TLN2: variants seen among roughly 807,000 people sequenced by gnomAD.
TLN2 encodes talin-2.
In TLN2, 118 loss-of-function variants were observed where a neutral mutation model predicts 294.7. The observed-to-expected ratio is 0.40, with a 90% CI of 0.34 to 0.47. The LOEUF (loss-of-function observed/expected upper bound fraction) is 0.47. Ranked by LOEUF, TLN2 falls within the 20% of genes least tolerant of loss-of-function variation. The pLI is 0.84. For missense variants in TLN2, 3,083 were observed against 3,282.2 expected, an observed-to-expected ratio of 0.94 and a Z score of 1.48; for synonymous variants, 1,431 against 1,304.5, an observed-to-expected ratio of 1.10 and a Z score of -2.09.
intron 7 of TLN2, among the ~76,000 whole-genome samples, chr15:62,653,809 A>G: frequency 6.6e-6 from 1 of 152,324 alleles, no homozygotes; most frequent in East Asian, 1.9e-4. Flanking sequence ...AATATCAGAT[A>G]TACAAATCAT....
intron 1 of TLN2, among the ~76,000 whole-genome samples, chr15:62,506,600 T>G (rs1272623423): frequency 1.3e-5 from 2 of 152,202 alleles, no homozygotes; most frequent in African/African-American, 4.8e-5. Flanking sequence ...CCATGGAGGT[T>G]GGGGGAGTTT....
Position 62,762,282 on chromosome 15 carries a change from C to G in TLN2, c.4790C>G (p.Ala1597Gly), listed in dbSNP as rs759921550. 6.2e-7 allele frequency: 1 copy of G among 1,614,148 alleles called. No homozygotes were observed. The highest frequency in any genetic ancestry group is 8.5e-7 in the Non-Finnish European group (1 of 1,180,022). Residue 1597 changes from alanine to glycine, a missense_variant, in exon 39 of 59, where the codon GCA becomes GGA. Physicochemically the swap from Ala to Gly is moderately conservative, Grantham distance 60. Transcript: ENST00000636159. ...PAQISSEGSQ[A>G]QEPILVSAKT... Reference sequence around the variant, plus strand: ...GCTGTTTGGTCTCAGGGTTCCCAGGCACAGGAACCAATCCTGGTCTCAGCC... The same window carrying G: ...GCTGTTTGGTCTCAGGGTTCCCAGGGACAGGAACCAATCCTGGTCTCAGCC...
In TLN2 at chr15:62,675,198, A is replaced by C; in HGVS notation, c.853-19A>C. Reference sequence around the variant, plus strand: ...GGCAGAGATGCAATAACTGGTCCCGACCACTGTCACTTTTGCAGGAGCATA... The same window carrying C: ...GGCAGAGATGCAATAACTGGTCCCGCCCACTGTCACTTTTGCAGGAGCATA... On this transcript the variant is annotated intron_variant, in intron 10 of 58. Coordinates refer to ENST00000636159, the MANE Select transcript of TLN2 (RefSeq NM_015059.3). The C allele has an allele frequency of 6.2e-7, 1 of 1,613,138 alleles. No homozygotes were observed. Among genetic ancestry groups the C allele is most frequent in the Non-Finnish European group, 8.5e-7 (1 of 1,179,164 alleles).
At chr15:62,415,745 C>T (rs557388855) in intron 1 of TLN2, among the ~76,000 whole-genome samples, 63 of 152,314 alleles carry the variant, frequency 4.1e-4, no homozygotes, top group Middle Eastern at 3.4e-3. Context: ...TCTGCTTCCT[C>T]TGTTTGGAAT....
At chr15:62,743,663 G>A (rs1222149031) in intron 32 of TLN2, among the ~76,000 whole-genome samples, 1 of 152,252 alleles carries the variant, frequency 6.6e-6, no homozygotes, top group South Asian at 2.1e-4. Context: ...CCAGGGGCTG[G>A]TCAGGTGCCC....
chr15:62,556,250 A>T (rs1308848528), intron 1 of TLN2, among the ~76,000 whole-genome samples: 3 of 141,540 alleles, frequency 2.1e-5, no homozygotes, highest in Admixed American at 7.0e-5. Flanking sequence ...TTCTATTCCT[A>T]TTTGCTATTA....
intron 36 of TLN2, 80 bp downstream of exon 36, chr15:62,753,996 G>A (rs2062082810): frequency 7.2e-7 from 1 of 1,380,192 alleles, no homozygotes; most frequent in Non-Finnish European, 9.5e-7. Context: ...TGAGAAATTA[G>A]TAAAGAATCT....
In TLN2 at chr15:62,410,187, A is replaced by G. The variant is rs544518366; in HGVS notation, c.-238+19502A>G. The stretch of plus-strand genomic sequence containing the variant: ...AACCCGGGAGACGGAGGTTGCACTG[A>G]GCTGAGATCACGCCATTGCACTCCA... On this transcript the variant is annotated intron_variant, in intron 1 of 58. Coordinates refer to ENST00000636159, the MANE Select transcript of TLN2 (RefSeq NM_015059.3). Among the ~76,000 whole-genome samples, 163 of 152,178 alleles carry G rather than the reference A, an allele frequency of 1.1e-3. 1 individual carries two copies. Among genetic ancestry groups the G allele is most frequent in the African/African-American group, 3.8e-3 (156 of 41,524 alleles).
At chr15:62,796,037 CT>C in intron 46 of TLN2, 89 bp from the exon 47 acceptor site, 1 of 1,508,230 alleles carries the variant, frequency 6.6e-7, no homozygotes, top group Non-Finnish European at 9.0e-7. Context: ...ACATCAACTC[CT>C]AGGAGAGAAT....
intron 1 of TLN2, among the ~76,000 whole-genome samples, chr15:62,544,827 A>G (rs1341122927): frequency 6.6e-6 from 1 of 151,012 alleles, no homozygotes; most frequent in African/African-American, 2.4e-5. Flanking sequence ...TGTCAGGATT[A>G]GCTAACTTTA....
intron 1 of TLN2, among the ~76,000 whole-genome samples, chr15:62,447,896 T>A (rs1316529289): frequency 6.6e-6 from 1 of 152,146 alleles, no homozygotes; most frequent in Non-Finnish European, 1.5e-5. Context: ...ACAAGCCAAT[T>A]CGTAGGCTTG....
In TLN2 at chr15:62,535,467, T is replaced by TACACACAC. The variant is rs35591215; in HGVS notation, c.-237-54203_-237-54196dup. ...AGCATAGTGAGACCCTGTCTGTGTG[T>TACACACAC]ACACACACACACACACACACACACC... On this transcript the variant is annotated intron_variant, in intron 1 of 58. Transcript: ENST00000636159. Among the ~76,000 whole-genome samples, 67 of 148,992 alleles carry TACACACAC rather than the reference T, an allele frequency of 4.5e-4. 1 individual carries two copies. Among genetic ancestry groups the TACACACAC allele is most frequent in the South Asian group, 3.4e-3 (16 of 4,690 alleles).
intron 1 of TLN2, among the ~76,000 whole-genome samples, chr15:62,434,425 C>T (rs546649754): frequency 2.0e-5 from 3 of 152,276 alleles, no homozygotes; most frequent in African/African-American, 4.8e-5. Flanking sequence ...AACTGGCTCC[C>T]TATTGACATT....
intron 31 of TLN2, 116 bp downstream of exon 31, chr15:62,739,661 G>A: frequency 7.8e-7 from 1 of 1,276,394 alleles, no homozygotes; most frequent in African/African-American, 1.5e-5. Context: ...GGCAGGCCAT[G>A]GTTGCATTCT....
rs1014223952 is a variant in TLN2, at chr15:62,842,633, G to A, written c.*2023G>A. On this transcript the variant is annotated 3_prime_UTR_variant, in exon 59 of 59. Transcript: ENST00000636159. ...CCTGAAAACCCAGGACCAAGGCAGG[G>A]GCAGGCAGCCAGTTCTTCCACCTTG... The A allele has an allele frequency of 2.0e-5, 3 of 151,960 alleles. No individual in the cohort carries two copies. Among genetic ancestry groups the A allele is most frequent in the African/African-American group, 7.3e-5 (3 of 41,308 alleles). The allele number at this position is 151,960 out of a possible 1,614,324, so 9.4% of individuals were successfully genotyped here. A position where few individuals can be genotyped will look rare whatever the true frequency, so the allele number is the denominator to read the frequency against.
chr15:62,818,262 C>T lies in TLN2; in HGVS notation c.6772-1254C>T, dbSNP rs139611888. On this transcript the variant is annotated intron_variant, in intron 52 of 58. Transcript: ENST00000636159. Reference sequence around the variant, plus strand: ...ATGCTTTGTCCCCTACTCAGAGGCTCCAAAATTGTGCAGAGATAGACAGCA... The same window carrying T: ...ATGCTTTGTCCCCTACTCAGAGGCTTCAAAATTGTGCAGAGATAGACAGCA... Among the ~76,000 whole-genome samples, 619 of 152,264 alleles carry T rather than the reference C, an allele frequency of 4.1e-3. 2 individuals carry two copies. The highest frequency in any genetic ancestry group is 0.014 in the African/African-American group (597 of 41,532).
chr15:62,511,486 C>T (rs2039932598), intron 1 of TLN2, among the ~76,000 whole-genome samples: 2 of 152,106 alleles, frequency 1.3e-5, no homozygotes, highest in African/African-American at 2.4e-5. Flanking sequence ...TGTTAAAATG[C>T]TACTTTTCTT....
At chr15:62,801,509 C>T (rs2065924618) in intron 50 of TLN2, among the ~76,000 whole-genome samples, 1 of 152,174 alleles carries the variant, frequency 6.6e-6, no homozygotes, top group African/African-American at 2.4e-5. Context: ...GGATACCTGC[C>T]TTTGCTGCCA....
At chr15:62,653,439 A>C (rs2052829380) in intron 7 of TLN2, 125 bp downstream of exon 7, 1 of 1,239,512 alleles carries the variant, frequency 8.1e-7, no homozygotes. Flanking sequence ...TATTTTAAAA[A>C]AGTAGGCTGG....
Sources: gnomAD v4.1 joint callset for allele counts (sites outside exome capture counted in the v4.1 genomes callset) on GRCh38, gnomAD v4.1.1 for gene constraint, MANE v1.5 for transcripts, NCBI Gene and HGNC (gene_info 2026-07-23, HGNC 2026-07-21) for gene names.